The following JPH3 variants were observed in gnomAD, a reference collection of about 807,000 sequenced individuals.
JPH3 encodes the protein junctophilin-3.
JPH3 carries 11 observed loss-of-function variants against 59.6 expected under a neutral mutation model. That is an observed-to-expected ratio of 0.18 (90% CI 0.12 to 0.31). The LOEUF is 0.31. JPH3 is among the 10% of genes least tolerant of loss of function. The probability of loss-of-function intolerance (pLI) is 1.00; values close to 1 mark genes in which losing one functional copy is unlikely to be tolerated. For missense variants in JPH3, 1,202 were observed against 1,105.7 expected (o/e 1.09, Z -1.24); for synonymous variants, 673 against 483.6 (o/e 1.39, Z -5.14).
At chr16:87,657,760 A>G (rs1390760847) in intron 2 of JPH3, among the ~76,000 whole-genome samples, 2 of 151,354 alleles carry the variant, frequency 1.3e-5, no homozygotes, top group Non-Finnish European at 2.9e-5. Context: ...TTAAGGATGC[A>G]ACCTGGGAGT....
At chr16:87,688,601 A>G (rs909397071) in intron 3 of JPH3, among the ~76,000 whole-genome samples, 2 of 152,020 alleles carry the variant, frequency 1.3e-5, no homozygotes, top group African/African-American at 4.8e-5. Context: ...TGGTCTCATG[A>G]GGTGGCCGCC....
In JPH3 at chr16:87,613,860, A is replaced by G. The variant is rs142091975; in HGVS notation, c.382+10332A>G. Among the ~76,000 whole-genome samples, 1,093 of 152,342 alleles carry G rather than the reference A, an allele frequency of 7.2e-3. 22 individuals are homozygous for G. The highest frequency in any genetic ancestry group is 0.024 in the African/African-American group (999 of 41,582). ...TTAAGATAATGCCTTGAGATAAGGC[A>G]TTCCGCTCCCATTTAAAAGACAGGA... On this transcript the variant is annotated intron_variant, in intron 1 of 4. Coordinates refer to ENST00000284262, the MANE Select transcript of JPH3 (RefSeq NM_020655.4).
intron 2 of JPH3, among the ~76,000 whole-genome samples, chr16:87,683,100 C>T (rs1227821508): frequency 1.3e-5 from 2 of 152,210 alleles, no homozygotes; most frequent in African/African-American, 4.8e-5. Context: ...GGTGAGGGAA[C>T]TGCCCAGCTG....
In JPH3 at chr16:87,691,090, C is replaced by CG. The variant is rs1555543741; in HGVS notation, c.2166+564_2166+565insG. ...TCACCGTCAGCCTCACCCAGCACCCCCCCCCCAAATTCGTTCCTCCAGGGC... is the reference window on the plus strand; with the variant it reads ...TCACCGTCAGCCTCACCCAGCACCCCGCCCCCCAAATTCGTTCCTCCAGGGC... On this transcript the variant is annotated intron_variant, in intron 4 of 4. Transcript: ENST00000284262. Among the ~76,000 whole-genome samples the CG allele has an allele frequency of 4.0e-5, 6 of 151,520 alleles. No homozygotes were observed. In the East Asian group the frequency reaches 7.7e-4, roughly 20 times the overall value.
At chr16:87,667,774 A>G (rs12449023) in intron 2 of JPH3, among the ~76,000 whole-genome samples, 100,545 of 152,120 alleles carry the variant, frequency 0.66, 34,132 homozygotes, top group African/African-American at 0.83. Flanking sequence ...CTGGCCCTGT[A>G]GTCTAAGTCA....
intron 1 of JPH3, among the ~76,000 whole-genome samples, chr16:87,642,003 G>A (rs530427984): frequency 3.8e-4 from 58 of 152,320 alleles, no homozygotes; most frequent in Admixed American, 4.6e-4. Flanking sequence ...GGCTGGCTTG[G>A]AGCCCATGGG....
At chr16:87,606,600 C>T (rs2030530915) in intron 1 of JPH3, among the ~76,000 whole-genome samples, 4 of 152,198 alleles carry the variant, frequency 2.6e-5, no homozygotes, top group Admixed American at 2.6e-4. Context: ...TACTTAACCT[C>T]TCTGAGCTTG....
At chr16:87,685,790 G>A (rs2033403254) in intron 3 of JPH3, among the ~76,000 whole-genome samples, 1 of 152,208 alleles carries the variant, frequency 6.6e-6, no homozygotes, top group South Asian at 2.1e-4. Context: ...TCCTCTCAGA[G>A]CCTCAGTTCC....
intron 1 of JPH3, among the ~76,000 whole-genome samples, chr16:87,636,764 C>T (rs1243848620): frequency 6.6e-6 from 1 of 152,232 alleles, no homozygotes; most frequent in African/African-American, 2.4e-5. Context: ...CTCCGGCGAC[C>T]CTCATTACAC....
At chr16:87,691,095 C>G (rs1166863646) in intron 4 of JPH3, among the ~76,000 whole-genome samples, 2 of 151,024 alleles carry the variant, frequency 1.3e-5, no homozygotes, top group East Asian at 1.9e-4. Flanking sequence ...CACCCCCCCC[C>G]CAAATTCGTT....
intron 2 of JPH3, among the ~76,000 whole-genome samples, chr16:87,671,008 C>T (rs2033000299): frequency 6.6e-6 from 1 of 152,180 alleles, no homozygotes; most frequent in Non-Finnish European, 1.5e-5. Flanking sequence ...GTGCCTGGGG[C>T]TGGAATCCTG....
At chr16:87,681,580 G>T (rs563045818) in intron 2 of JPH3, among the ~76,000 whole-genome samples, 1 of 139,416 alleles carries the variant, frequency 7.2e-6, no homozygotes, top group African/African-American at 2.7e-5. Context: ...TGACAGTTCC[G>T]GGAGGTCAGG....
At chr16:87,660,293 T>C (rs2032659793) in intron 2 of JPH3, among the ~76,000 whole-genome samples, 1 of 152,058 alleles carries the variant, frequency 6.6e-6, no homozygotes. Flanking sequence ...AGCAGATGCT[T>C]TGAAACTGTC....
chr16:87,604,220 ATCTGTGCCT>A (rs886607558), intron 1 of JPH3: 4 of 1,436,692 alleles, frequency 2.8e-6, no homozygotes, highest in Non-Finnish European at 2.8e-6. Flanking sequence ...GAGGGAATCG[ATCTGTGCCT>A]TCATTCTAAG....
intron 2 of JPH3, among the ~76,000 whole-genome samples, chr16:87,659,200 C>T (rs777742335): frequency 6.6e-5 from 10 of 151,264 alleles, no homozygotes; most frequent in African/African-American, 1.7e-4. Context: ...ATGGCAAGAT[C>T]CCCTCTCTAC....
chr16:87,616,525 C>T (rs2030977675), intron 1 of JPH3, among the ~76,000 whole-genome samples: 1 of 151,646 alleles, frequency 6.6e-6, no homozygotes, highest in Non-Finnish European at 1.5e-5. Flanking sequence ...GCTGGGATTA[C>T]AGGTGTGAGC....
At chr16:87,624,647 G>C (rs1402953360) in intron 1 of JPH3, among the ~76,000 whole-genome samples, 1 of 152,220 alleles carries the variant, frequency 6.6e-6, no homozygotes, top group African/African-American at 2.4e-5. Context: ...TTCCACCTGG[G>C]GGCTATCCTG....
chr16:87,649,328 A>G (rs903892832), intron 2 of JPH3, among the ~76,000 whole-genome samples: 1 of 152,148 alleles, frequency 6.6e-6, no homozygotes, highest in African/African-American at 2.4e-5. Flanking sequence ...TCACACACTC[A>G]AGACGTTTTC....
chr16:87,654,344 G>C lies in JPH3; in HGVS notation c.1160+9309G>C, dbSNP rs1329141813. 4 of 152,172 alleles carry C rather than the reference G, an allele frequency of 2.6e-5. No homozygotes were observed. In the East Asian group the frequency reaches 7.7e-4, roughly 29 times the overall value. 9.4% of individuals were successfully genotyped at this position (152,172 alleles called of 1,614,324 possible). A position where few individuals can be genotyped will look rare whatever the true frequency, so the allele number is the denominator to read the frequency against. On this transcript the variant is annotated intron_variant, in intron 2 of 4. Coordinates refer to ENST00000284262, the MANE Select transcript of JPH3 (RefSeq NM_020655.4). ...TCCCCCTTTATGTGGGCATTTATCTGATAGTAGAGTTTTTCTGTACTGTTG... is the reference window on the plus strand; with the variant it reads ...TCCCCCTTTATGTGGGCATTTATCTCATAGTAGAGTTTTTCTGTACTGTTG...
Sources: gnomAD v4.1 joint callset for allele counts (sites outside exome capture counted in the v4.1 genomes callset) on GRCh38, gnomAD v4.1.1 for gene constraint, MANE v1.5 for transcripts, NCBI Gene and HGNC (gene_info 2026-07-23, HGNC 2026-07-21) for gene names.